Variants in ZNF780B observed in about 807,000 individuals in gnomAD.
ZNF780B encodes the protein zinc finger protein 780B, also known as zinc finger protein 779.
In ZNF780B, 52 loss-of-function variants were observed where a neutral mutation model predicts 74.1. That is an observed-to-expected ratio of 0.70 (90% CI 0.56 to 0.88). The LOEUF (loss-of-function observed/expected upper bound fraction) is 0.88. Among genes scored for constraint, ZNF780B ranks in the 40% least tolerant of loss-of-function variants. The pLI, the probability that ZNF780B is intolerant of heterozygous loss-of-function variation, is 0.00. For missense variants in ZNF780B, 953 were observed against 1,007.6 expected (o/e 0.95, Z 0.73); for synonymous variants, 315 against 324.3 (o/e 0.97, Z 0.31).
At chr19:40,056,080 G>C (rs868170718) in intron 1 of ZNF780B, 109 bp downstream of exon 1, 14 of 152,418 alleles carry the variant, frequency 9.2e-5, no homozygotes, top group Middle Eastern at 3.4e-3. Context: ...TTCCTCCTCT[G>C]AGCGCCTCGC....
intron 1 of ZNF780B, among the ~76,000 whole-genome samples, chr19:40,050,600 A>G (rs1369981981): frequency 1.3e-5 from 2 of 152,242 alleles, no homozygotes; most frequent in African/African-American, 4.8e-5. Context: ...CCTACATCCC[A>G]GGGAACCTGC....
rs1008079466 is a variant in ZNF780B, at chr19:40,035,320, G to A, written c.1539C>T (p.Gly513=). Residue 513 remains glycine (G), a synonymous_variant, in exon 5 of 5, where the codon GGC becomes GGT. Transcript: ENST00000434248. ...CKDCGKAFNR[G]SNLVQHQSIH... is the part of the protein sequence containing the mutation. ...TACTCTGATGTTGAACAAGGTTCGA[G>A]CCACGATTGAAGGCCTTCCCACAGT... 5.0e-6 allele frequency: 8 copies of A among 1,613,336 alleles called. No homozygotes were observed. The African/African-American group carries it at 8.0e-5, about 16-fold the overall frequency.
At chr19:40,037,236 T>A (rs1404327392) in intron 4 of ZNF780B, among the ~76,000 whole-genome samples, 1 of 148,892 alleles carries the variant, frequency 6.7e-6, no homozygotes, top group African/African-American at 2.5e-5. Flanking sequence ...TTTTTTTTTT[T>A]AAGAGACAGG....
In ZNF780B at chr19:40,029,207, C is replaced by A. The variant is rs755481319; in HGVS notation, c.*5150G>T. On this transcript the variant is annotated 3_prime_UTR_variant, in exon 5 of 5. Coordinates refer to ENST00000434248, the MANE Select transcript of ZNF780B (RefSeq NM_001005851.3). Reference sequence around the variant, plus strand: ...ACACACAGGTCCGTTATCCCTCATACCCCAAGCTGGATGATCACAATACCC... The same window carrying A: ...ACACACAGGTCCGTTATCCCTCATAACCCAAGCTGGATGATCACAATACCC... 6.6e-6 allele frequency: 1 copy of A among 152,212 alleles called. No homozygotes were observed. The highest frequency in any genetic ancestry group is 1.9e-4 in the East Asian group (1 of 5,198). 9.4% of individuals were successfully genotyped at this position (152,212 alleles called of 1,614,324 possible). A position where few individuals can be genotyped will look rare whatever the true frequency, so the allele number is the denominator to read the frequency against.
Position 40,035,009 on chromosome 19 carries a change from T to C in ZNF780B, c.1850A>G (p.Glu617Gly). Residue 617 changes from glutamate (E) to glycine (G), a missense_variant, in exon 5 of 5, where the codon GAA (glutamate) becomes GGA (glycine). Transcript: ENST00000434248. ...GTGAAGACTGAAGGCCTTGCCACATTCCTTACATTCAAAGGGCTTCTCACC... is the reference window on the plus strand; with the variant it reads ...GTGAAGACTGAAGGCCTTGCCACATCCCTTACATTCAAAGGGCTTCTCACC... ...HTGEKPFECKECGKAFSLHTQ... is the reference protein window; with the variant it reads ...HTGEKPFECKGCGKAFSLHTQ... 6.2e-7 allele frequency: 1 copy of C among 1,614,030 alleles called. No homozygotes were observed. The highest frequency in any genetic ancestry group is 8.5e-7 in the Non-Finnish European group (1 of 1,179,906).
rs1972170081 is a variant in ZNF780B at position 40,034,854 on chromosome 19, A to T, written c.2005T>A (p.Tyr669Asn). ...CCTTTCCCACACTCCTTACATTCAT[A>T]TGGTTTTACACCAGCATGAATACTC... Reference protein sequence around the residue: ...HQSIHAGVKPYECKECGKGFS... With the variant: ...HQSIHAGVKPNECKECGKGFS... Residue 669 changes from tyrosine to asparagine, a missense_variant, in exon 5 of 5, where the codon TAT becomes AAT. Transcript: ENST00000434248. 2 of 1,614,082 alleles carry T rather than the reference A, an allele frequency of 1.2e-6. No homozygotes were observed. Among genetic ancestry groups the T allele is most frequent in the Non-Finnish European group, 1.7e-6 (2 of 1,179,986 alleles).
intron 3 of ZNF780B, among the ~76,000 whole-genome samples, chr19:40,047,750 C>A (rs1358057416): frequency 6.6e-6 from 1 of 152,098 alleles, no homozygotes; most frequent in Non-Finnish European, 1.5e-5. Flanking sequence ...CCTGTCTCTG[C>A]CACCCACTAG....
In ZNF780B at chr19:40,029,331, A is replaced by G. The variant is rs1000867734; in HGVS notation, c.*5026T>C. The G allele has an allele frequency of 7.1e-5, 11 of 154,208 alleles. No individual in the cohort carries two copies. The highest frequency in any genetic ancestry group is 1.3e-4 in the Admixed American group (2 of 15,282). 9.6% of individuals were successfully genotyped at this position (154,208 alleles called of 1,614,324 possible). A position where few individuals can be genotyped will look rare whatever the true frequency, so the allele number is the denominator to read the frequency against. On this transcript the variant is annotated 3_prime_UTR_variant, in exon 5 of 5. Transcript: ENST00000434248. The stretch of plus-strand genomic sequence containing the variant: ...ATCCATGACTGAATATTCTAAAACA[A>G]GTTTCTTTACAACGCTGCTCAGAAA...
In ZNF780B at chr19:40,055,501, C is replaced by T. The variant is rs563731736; in HGVS notation, c.-46+688G>A. ...ATAATACGACTGGAGAAGGATACGG[C>T]AAGCGTGAGACTCCAGGCTTTTCTT... is the stretch of plus-strand genomic sequence containing the variant. On this transcript the variant is annotated intron_variant, in intron 1 of 4. Transcript: ENST00000434248. 4 of 152,286 alleles carry T rather than the reference C, an allele frequency of 2.6e-5. No individual in the cohort carries two copies. The East Asian group carries it at 7.7e-4, about 29-fold the overall frequency. The allele number at this position is 152,286 out of a possible 1,614,324, so 9.4% of individuals were successfully genotyped here.
rs569797264 is a variant in ZNF780B, at chr19:40,050,485, C to T, written c.-45-108G>A. 3.6e-5 allele frequency: 39 copies of T among 1,094,510 alleles called. No homozygotes were observed. In the East Asian group the frequency reaches 7.0e-4, roughly 20 times the overall value. The allele number at this position is 1,094,510 out of a possible 1,614,324, so 67.8% of individuals were successfully genotyped here. A position where few individuals can be genotyped will look rare whatever the true frequency, so the allele number is the denominator to read the frequency against. ...CCTATTTCTCAACTACTCCTGCTCA[C>T]ACGCACACTTCCACCCTTCTCCCGT... is the stretch of plus-strand genomic sequence containing the variant. On this transcript the variant is annotated intron_variant, in intron 1 of 4. Transcript: ENST00000434248.
Position 40,034,792 on chromosome 19 carries a change from T to C in ZNF780B, c.2067A>G (p.Lys689=). 6.2e-7 allele frequency: 1 copy of C among 1,613,716 alleles called. No individual in the cohort carries two copies. The highest frequency in any genetic ancestry group is 1.3e-5 in the African/African-American group (1 of 74,866). The part of the protein sequence containing the change: ...SRVSNLIQHQ[K]THSSAKPFVC... ...CAAAGGGTTTCGCACTGGAATGAGTTTTCTGATGCTGAATAAGGTTTGAAA... is the reference window on the plus strand; with the variant it reads ...CAAAGGGTTTCGCACTGGAATGAGTCTTCTGATGCTGAATAAGGTTTGAAA... Residue 689 remains lysine, a synonymous_variant, in exon 5 of 5, where the codon AAA becomes AAG. Coordinates refer to ENST00000434248, the MANE Select transcript of ZNF780B (RefSeq NM_001005851.3).
chr19:40,031,346 C>G lies in ZNF780B; in HGVS notation c.*3011G>C, dbSNP rs1424237061. The G allele has an allele frequency of 1.3e-5, 2 of 152,182 alleles. No individual in the cohort carries two copies. The highest frequency in any genetic ancestry group is 2.9e-5 in the Non-Finnish European group (2 of 68,040). 9.4% of individuals were successfully genotyped at this position (152,182 alleles called of 1,614,324 possible). A position where few individuals can be genotyped will look rare whatever the true frequency, so the allele number is the denominator to read the frequency against. On this transcript the variant is annotated 3_prime_UTR_variant, in exon 5 of 5. Coordinates refer to ENST00000434248, the MANE Select transcript of ZNF780B (RefSeq NM_001005851.3). ...GAGTGATTCTCCTGCCTCAGCCTCC[C>G]AAGTAGCTGGGATTACAGGAATGCA...
chr19:40,038,812 C>A (rs1281298540), intron 4 of ZNF780B, among the ~76,000 whole-genome samples: 1 of 151,014 alleles, frequency 6.6e-6, no homozygotes, highest in African/African-American at 2.4e-5. Context: ...TGGATATTAG[C>A]CCTTTGTCAG....
chr19:40,050,609 G>A (rs1186604398), intron 1 of ZNF780B, among the ~76,000 whole-genome samples: 2 of 152,254 alleles, frequency 1.3e-5, no homozygotes, highest in Admixed American at 1.3e-4. Context: ...CAGGGAACCT[G>A]CGGCGGAAGC....
rs1370882293 is a variant in ZNF780B at position 40,031,010 on chromosome 19, T to C, written c.*3347A>G. 2 of 152,354 alleles carry C rather than the reference T, an allele frequency of 1.3e-5. No homozygotes were observed. The highest frequency in any genetic ancestry group is 1.9e-4 in the East Asian group (1 of 5,194). The allele number at this position is 152,354 out of a possible 1,614,324, so 9.4% of individuals were successfully genotyped here. ...TGGAAAATTATAACTTTACTTATGA[T>C]TATAGATGCAATTAAATGGTAAAAG... is the stretch of plus-strand genomic sequence containing the variant. On this transcript the variant is annotated 3_prime_UTR_variant, in exon 5 of 5. Coordinates refer to ENST00000434248, the MANE Select transcript of ZNF780B (RefSeq NM_001005851.3).
At chr19:40,049,708 T>C (rs1288697404) in intron 2 of ZNF780B, among the ~76,000 whole-genome samples, 1 of 152,170 alleles carries the variant, frequency 6.6e-6, no homozygotes, top group Non-Finnish European at 1.5e-5. Context: ...CACAAGACCA[T>C]GTTTCCCTGT....
intron 4 of ZNF780B, among the ~76,000 whole-genome samples, chr19:40,042,829 T>C (rs1356109183): frequency 6.6e-6 from 1 of 152,188 alleles, no homozygotes; most frequent in Non-Finnish European, 1.5e-5. Context: ...GTTTTTAACT[T>C]TTTTGCCATT....
chr19:40,048,850 C>A, intron 2 of ZNF780B, 54 bp from the exon 3 acceptor site: 1 of 1,609,666 alleles, frequency 6.2e-7, no homozygotes, highest in African/African-American at 1.3e-5. Context: ...TGTTTCAAGA[C>A]GAAAGGAGAG....
intron 4 of ZNF780B, among the ~76,000 whole-genome samples, chr19:40,041,859 C>G (rs146580856): frequency 0.07 from 10,722 of 152,148 alleles, 391 homozygotes; most frequent in Non-Finnish European, 0.08. Context: ...ACTCTTTATC[C>G]AATTTGCCAG....
Sources: allele counts gnomAD v4.1 joint callset (sites outside exome capture counted in the v4.1 genomes callset), GRCh38; gene constraint gnomAD v4.1.1; transcripts MANE v1.5; gene names NCBI Gene and HGNC (gene_info 2026-07-23, HGNC 2026-07-21).